The following ADAM12 variants were observed in gnomAD, a reference collection of about 807,000 sequenced individuals.
ADAM12 encodes disintegrin and metalloproteinase domain-containing protein 12.
ADAM12 carries 70 observed loss-of-function variants against 106.4 expected under a neutral mutation model. The observed-to-expected ratio is 0.66, with a 90% CI of 0.54 to 0.80. The LOEUF (loss-of-function observed/expected upper bound fraction) is 0.80. ADAM12 is among the 30% of genes least tolerant of loss of function. ADAM12 has a pLI of 0.00. For synonymous variants in ADAM12, 420 were observed against 433.5 expected, an observed-to-expected ratio of 0.97 and a Z score of 0.39; for missense variants, 1,010 against 1,171.9, an observed-to-expected ratio of 0.86 and a Z score of 2.02.
chr10:126,369,348 C>T (rs1856029855), intron 1 of ADAM12, among the ~76,000 whole-genome samples: 1 of 152,204 alleles, frequency 6.6e-6, no homozygotes, highest in African/African-American at 2.4e-5. Context: ...TCTGTCACCA[C>T]AGAGCTTAAA....
chr10:126,081,074 C>A (rs937345341), intron 11 of ADAM12, among the ~76,000 whole-genome samples: 2 of 144,752 alleles, frequency 1.4e-5, no homozygotes, highest in Non-Finnish European at 3.0e-5. Flanking sequence ...TCTGGAGAAA[C>A]CAGCTATAAT....
Position 126,318,493 on chromosome 10 carries a change from C to T in ADAM12, c.186+11919G>A, listed in dbSNP as rs558523538. Among the ~76,000 whole-genome samples, 3 of 147,980 alleles carry T rather than the reference C, an allele frequency of 2.0e-5. No homozygotes were observed. The South Asian group carries it at 6.6e-4, about 32-fold the overall frequency. On this transcript the variant is annotated intron_variant, in intron 2 of 22. Coordinates refer to ENST00000448723, the MANE Select transcript of ADAM12 (RefSeq NM_001288973.2). The stretch of plus-strand genomic sequence containing the variant: ...TCACACTCACACATTCACACATTCT[C>T]AGAGCCACACTCTCTCACACACACT...
At chr10:126,180,439 T>C (rs1200391300) in intron 3 of ADAM12, among the ~76,000 whole-genome samples, 2 of 152,164 alleles carry the variant, frequency 1.3e-5, no homozygotes, top group Non-Finnish European at 2.9e-5. Context: ...GTGATCTCTG[T>C]ACGTGGGTGG....
At chr10:126,041,404 C>T (rs1013897740) in intron 18 of ADAM12, 1 of 985,594 alleles carries the variant, frequency 1.0e-6, no homozygotes, top group African/African-American at 1.7e-5. Context: ...TAGGCTCTTA[C>T]ATTGTTTTCA....
intron 2 of ADAM12, among the ~76,000 whole-genome samples, chr10:126,319,884 G>A (rs975119473): frequency 2.0e-5 from 3 of 152,182 alleles, no homozygotes; most frequent in East Asian, 3.9e-4. Context: ...GAGGATGGAA[G>A]GGTGGGAATT....
rs563373770 is a variant in ADAM12, at chr10:126,060,291, C to G, written c.1609+4515G>C. ...AATATAACGCCAGATTGAGAAAAGC[C>G]CATTTCAAAAGGGAATCATTAGTTG... On this transcript the variant is annotated intron_variant, in intron 14 of 22. Coordinates refer to ENST00000448723, the MANE Select transcript of ADAM12 (RefSeq NM_001288973.2). 2.0e-5 allele frequency among the ~76,000 whole-genome samples: 3 copies of G among 152,218 alleles called. No homozygotes were observed. In the East Asian group the frequency reaches 5.8e-4, roughly 29 times the overall value.
In ADAM12 at chr10:126,105,409, C is replaced by T. The variant is rs114618855; in HGVS notation, c.741+3184G>A. Among the ~76,000 whole-genome samples, 1,102 of 152,268 alleles carry T rather than the reference C, an allele frequency of 7.2e-3. 11 individuals are homozygous for T. The highest frequency in any genetic ancestry group is 0.025 in the African/African-American group (1,047 of 41,556). ...CTAAGAAGAACTCGTGTTTTCTTCT[C>T]GTTGGACAGTCTGAGGATAGCCTGA... is the stretch of plus-strand genomic sequence containing the variant. On this transcript the variant is annotated intron_variant, in intron 8 of 22. Coordinates refer to ENST00000448723, the MANE Select transcript of ADAM12 (RefSeq NM_001288973.2).
chr10:126,052,499 C>T (rs1014775749), intron 14 of ADAM12, among the ~76,000 whole-genome samples: 1 of 152,204 alleles, frequency 6.6e-6, no homozygotes, highest in African/African-American at 2.4e-5. Context: ...TACCATGACA[C>T]AATTCAAGTA....
chr10:126,252,970 T>C (rs1168992161), intron 3 of ADAM12, among the ~76,000 whole-genome samples: 1 of 152,188 alleles, frequency 6.6e-6, no homozygotes, highest in African/African-American at 2.4e-5. Flanking sequence ...GGAATTTCTC[T>C]GGATGATTTT....
In ADAM12 at chr10:126,066,538, C is replaced by G. The variant is rs910555882; in HGVS notation, c.1413+179G>C. On this transcript the variant is annotated intron_variant, in intron 13 of 22. Coordinates refer to ENST00000448723, the MANE Select transcript of ADAM12 (RefSeq NM_001288973.2). This position sits in a 1 kb window ranked among gnomAD's most constrained non-coding sequence, Gnocchi z 5.1. ...GGCAACTGAAGCGTGCATTTCACCCCAAGATTGGAAGCTAAACAGTAAGAG... is the reference window on the plus strand; with the variant it reads ...GGCAACTGAAGCGTGCATTTCACCCGAAGATTGGAAGCTAAACAGTAAGAG... 6.6e-6 allele frequency among the ~76,000 whole-genome samples: 1 copy of G among 152,190 alleles called. No homozygotes were observed. Among genetic ancestry groups the G allele is most frequent in the African/African-American group, 2.4e-5 (1 of 41,448 alleles).
At chr10:126,365,192 C>T (rs1855868357) in intron 1 of ADAM12, among the ~76,000 whole-genome samples, 1 of 152,280 alleles carries the variant, frequency 6.6e-6, no homozygotes, top group East Asian at 1.9e-4. Context: ...CTATGATCAG[C>T]TGTGTATTAA....
chr10:126,325,780 A>G (rs1334001702), intron 2 of ADAM12, among the ~76,000 whole-genome samples: 1 of 152,172 alleles, frequency 6.6e-6, no homozygotes, highest in African/African-American at 2.4e-5. Flanking sequence ...TCCTAAAGAC[A>G]CTGTAAACTT....
intron 5 of ADAM12, among the ~76,000 whole-genome samples, chr10:126,122,136 T>C (rs1286420193): frequency 1.3e-5 from 2 of 152,218 alleles, no homozygotes; most frequent in Admixed American, 1.3e-4. Flanking sequence ...TTGGAGCAAC[T>C]AAAACATTTT....
chr10:126,042,919 C>A (rs1245412914), intron 18 of ADAM12, 121 bp downstream of exon 18: 2 of 904,114 alleles, frequency 2.2e-6, no homozygotes, highest in East Asian at 2.6e-5. Context: ...CTGTGTAGAC[C>A]CATGTGGGGT....
intron 7 of ADAM12, 90 bp from the exon 8 acceptor site, chr10:126,108,754 T>C: frequency 8.1e-7 from 1 of 1,230,900 alleles, no homozygotes; most frequent in Non-Finnish European, 1.2e-6. Context: ...AGTCTTGGGA[T>C]TTTACAAACC....
intron 2 of ADAM12, among the ~76,000 whole-genome samples, chr10:126,312,186 G>A (rs944676185): frequency 2.0e-5 from 3 of 150,820 alleles, no homozygotes; most frequent in South Asian, 2.1e-4. Flanking sequence ...AAGTATAAGC[G>A]TCAAGACCAC....
chr10:126,345,361 C>T (rs1418170952), intron 1 of ADAM12, among the ~76,000 whole-genome samples: 2 of 152,114 alleles, frequency 1.3e-5, no homozygotes, highest in African/African-American at 4.8e-5. Flanking sequence ...GCCTTGCATC[C>T]CAGGGATGAA....
At chr10:126,131,570 G>T (rs1956305735) in intron 5 of ADAM12, among the ~76,000 whole-genome samples, 2 of 152,152 alleles carry the variant, frequency 1.3e-5, no homozygotes, top group South Asian at 4.1e-4. Context: ...CCCATGATGG[G>T]ATTCGTGCCC....
chr10:126,101,671 T>A (rs1233938200), intron 8 of ADAM12, among the ~76,000 whole-genome samples: 1 of 152,222 alleles, frequency 6.6e-6, no homozygotes, highest in Non-Finnish European at 1.5e-5. Flanking sequence ...TTGAGCAAAA[T>A]GTTCTGCTTA....
Sources: allele counts gnomAD v4.1 joint callset (sites outside exome capture counted in the v4.1 genomes callset), GRCh38; gene constraint gnomAD v4.1.1; non-coding constraint Gnocchi (gnomAD v3.1); transcripts MANE v1.5; gene names NCBI Gene and HGNC (gene_info 2026-07-23, HGNC 2026-07-21).